TPM1: variants seen among roughly 807,000 people sequenced by gnomAD.
TPM1 encodes the protein tropomyosin 1.
TPM1 carries 24 observed loss-of-function variants against 42.9 expected under a neutral mutation model. The ratio of observed to expected loss-of-function variants is 0.56; its 90% CI spans 0.41 to 0.79. TPM1 has a LOEUF of 0.79. Ranked by LOEUF, TPM1 falls within the 30% of genes least tolerant of loss-of-function variation. The pLI, the probability that TPM1 is intolerant of heterozygous loss-of-function variation, is 0.00. For missense variants in TPM1, 158 were observed against 351.8 expected (o/e 0.45, Z 4.41); for synonymous variants, 136 against 130.1 (o/e 1.05, Z -0.31).
rs1237304694 is a variant in TPM1, at chr15:63,062,268, G to A, written c.693G>A (p.Lys231=). 6.2e-7 allele frequency: 1 copy of A among 1,614,128 alleles called. No homozygotes were observed. The highest frequency in any genetic ancestry group is 8.5e-7 in the Non-Finnish European group (1 of 1,179,980). ...AAGAGATCAAGGTCCTTTCCGACAA[G>A]CTGAAGGAGGTAATATGAGAGTTGT... ...YEEEIKVLSD[K]LKEAETRAEF... is the part of the protein sequence containing the mutation. Residue 231 remains lysine (K), a synonymous_variant, in exon 7 of 10, where the codon AAG becomes AAA. Coordinates refer to ENST00000403994, the MANE Select transcript of TPM1 (RefSeq NM_001018005.2).
chr15:63,059,482 C>A, intron 3 of TPM1, 81 bp from the exon 4 acceptor site: 1 of 1,141,836 alleles, frequency 8.8e-7, no homozygotes, highest in Non-Finnish European at 1.3e-6. Context: ...TACACTAAGC[C>A]TCACAAGCCA....
Position 63,048,918 on chromosome 15 carries a change from A to G in TPM1, c.240+4766A>G, listed in dbSNP as rs994559765. ...CCTTTGTTTTCCATCTCGCTGATCCAAAGTAAACGCTCCCAGGGGAAACGG... is the reference window on the plus strand; with the variant it reads ...CCTTTGTTTTCCATCTCGCTGATCCGAAGTAAACGCTCCCAGGGGAAACGG... On this transcript the variant is annotated intron_variant, in intron 2 of 9. Coordinates refer to ENST00000403994, the MANE Select transcript of TPM1 (RefSeq NM_001018005.2). The G allele has an allele frequency of 8.9e-6, 6 of 674,694 alleles. No individual in the cohort carries two copies. The East Asian group carries it at 1.8e-4, about 20-fold the overall frequency. 41.8% of individuals were successfully genotyped at this position (674,694 alleles called of 1,614,324 possible). A position where few individuals can be genotyped will look rare whatever the true frequency, so the allele number is the denominator to read the frequency against.
chr15:63,065,548 G>A lies in TPM1; in HGVS notation c.852-348G>A, dbSNP rs968235967. 10 of 985,002 alleles carry A rather than the reference G, an allele frequency of 1.0e-5. No homozygotes were observed. The African/African-American group carries it at 1.6e-4, about 15-fold the overall frequency. 61.0% of individuals were successfully genotyped at this position (985,002 alleles called of 1,614,324 possible). A position where few individuals can be genotyped will look rare whatever the true frequency, so the allele number is the denominator to read the frequency against. ...AATGAGGGGGTGGAGCAGATCATCT[G>A]TCTCTAAGGTCTTTTTCAGTGCTAA... On this transcript the variant is annotated intron_variant, in intron 9 of 9. Coordinates refer to ENST00000403994, the MANE Select transcript of TPM1 (RefSeq NM_001018005.2).
chr15:63,057,146 G>T (rs2034934482), intron 3 of TPM1, 28 bp downstream of exon 3: 2 of 1,613,360 alleles, frequency 1.2e-6, no homozygotes, highest in Admixed American at 1.7e-5. Context: ...GCCATCTTTT[G>T]CAGCTGCCTT....
intron 7 of TPM1, 96 bp downstream of exon 7, chr15:63,062,373 C>G: frequency 7.2e-7 from 1 of 1,385,290 alleles, no homozygotes; most frequent in South Asian, 1.2e-5. Context: ...TTCCAATGAT[C>G]CAAGTCAGGA....
At chr15:63,048,560 C>T (rs938822746) in intron 2 of TPM1, 4 of 1,521,630 alleles carry the variant, frequency 2.6e-6, no homozygotes, top group Non-Finnish European at 3.5e-6. Context: ...CTCCCGCCCG[C>T]CTACCGTCCG....
At chr15:63,052,783 C>A (rs565709257) in intron 2 of TPM1, among the ~76,000 whole-genome samples, 1 of 151,178 alleles carries the variant, frequency 6.6e-6, no homozygotes, top group South Asian at 2.1e-4. Flanking sequence ...AAAAAAAATA[C>A]CAGAAATAAA....
chr15:63,063,949 A>G (rs1416577649), intron 8 of TPM1, 115 bp from the exon 9 acceptor site: 2 of 1,473,276 alleles, frequency 1.4e-6, no homozygotes, highest in Admixed American at 2.0e-5. Flanking sequence ...CCCTTCATGC[A>G]TTGCCCTTTT....
chr15:63,048,729 C>T, intron 2 of TPM1: 11 of 1,531,066 alleles, frequency 7.2e-6, no homozygotes, highest in Non-Finnish European at 9.7e-6. Flanking sequence ...ACCCATCACC[C>T]CGCAGCCCCC....
chr15:63,046,705 T>C, intron 2 of TPM1: 1 of 152,640 alleles, frequency 6.6e-6, no homozygotes, highest in East Asian at 1.9e-4. Flanking sequence ...ATATATCTGA[T>C]ATTTATAGCA....
chr15:63,066,072 CAAAT>C lies in TPM1; in HGVS notation c.*177_*180del, dbSNP rs1381602182. 1.2e-5 allele frequency: 18 copies of C among 1,532,566 alleles called. No individual in the cohort carries two copies. The South Asian group carries it at 1.7e-4, about 15-fold the overall frequency. 94.9% of individuals were successfully genotyped at this position (1,532,566 alleles called of 1,614,324 possible). On this transcript the variant is annotated 3_prime_UTR_variant, in exon 10 of 10. Transcript: ENST00000403994. Reference sequence around the variant, plus strand: ...GTACAGAAGCTCTTCGTTTCAGTGTCAAATAAACACTGTGTAAGCTATTTCTGTT... The same window carrying C: ...GTACAGAAGCTCTTCGTTTCAGTGTCAAACACTGTGTAAGCTATTTCTGTT...
intron 2 of TPM1, chr15:63,047,033 A>G (rs2032528950): frequency 6.6e-6 from 1 of 152,326 alleles, no homozygotes; most frequent in African/African-American, 2.4e-5. Context: ...GCCAGTGTCC[A>G]GCAGTTTCCT....
intron 2 of TPM1, chr15:63,045,438 T>G (rs1286784817): frequency 6.6e-6 from 1 of 152,220 alleles, no homozygotes; most frequent in Admixed American, 6.5e-5. Context: ...AAACCATATA[T>G]GACTCTGAGC....
downstream of TPM1, chr15:63,070,326 G>GTGTGTGTGTATA (rs61140537): frequency 2.7e-5 from 18 of 668,762 alleles, no homozygotes; most frequent in Admixed American, 1.8e-4. Flanking sequence ...GTGTGTGTGT[G>GTGTGTGTGTATA]TATATATTCC....
At chr15:63,043,425 C>G in intron 1 of TPM1, 2 of 643,444 alleles carry the variant, frequency 3.1e-6, no homozygotes, top group Non-Finnish European at 5.7e-6. Flanking sequence ...GGCTACAGCC[C>G]GAAAGCCAGG....
At chr15:63,068,790 T>C (rs1171825927), downstream of TPM1, among the ~76,000 whole-genome samples, 1 of 152,196 alleles carries the variant, frequency 6.6e-6, no homozygotes, top group Non-Finnish European at 1.5e-5. Flanking sequence ...ATGTAGGTGT[T>C]GCAAGTTTCG....
Position 63,053,737 on chromosome 15 carries a change from A to G in TPM1, c.241-3248A>G, listed in dbSNP as rs554864148. ...TGCTCTGTCGCCCAGGCTGGAGTGC[A>G]GTGGCATGATCTCGGCTCACTGCAG... On this transcript the variant is annotated intron_variant, in intron 2 of 9. Transcript: ENST00000403994. Among the ~76,000 whole-genome samples the G allele has an allele frequency of 6.6e-5, 9 of 136,482 alleles. No homozygotes were observed. The South Asian group carries it at 1.9e-3, about 29-fold the overall frequency. The allele number at this position is 136,482 out of a possible 152,430, so 89.5% of individuals were successfully genotyped here.
chr15:63,048,478 C>G lies in TPM1; in HGVS notation c.240+4326C>G, dbSNP rs767366662. 5.0e-6 allele frequency: 7 copies of G among 1,404,606 alleles called. No homozygotes were observed. The South Asian group carries it at 9.3e-5, about 19-fold the overall frequency. 87.0% of individuals were successfully genotyped at this position (1,404,606 alleles called of 1,614,324 possible). A position where few individuals can be genotyped will look rare whatever the true frequency, so the allele number is the denominator to read the frequency against. ...ACAGAGAGGCCTGGGCGGGGCGGAC[C>G]GGCGCTGGGCAGCCAGGACAGCCGC... On this transcript the variant is annotated intron_variant, in intron 2 of 9. Coordinates refer to ENST00000403994, the MANE Select transcript of TPM1 (RefSeq NM_001018005.2).
intron 6 of TPM1, 80 bp downstream of exon 6, chr15:63,061,868 C>T (rs1024579406): frequency 8.0e-7 from 1 of 1,253,004 alleles, no homozygotes; most frequent in Non-Finnish European, 1.2e-6. Flanking sequence ...GCAACACTTA[C>T]AGTAGACATT....
Sources: gnomAD v4.1 joint callset for allele counts (sites outside exome capture counted in the v4.1 genomes callset) on GRCh38, gnomAD v4.1.1 for gene constraint, MANE v1.5 for transcripts, NCBI Gene and HGNC (gene_info 2026-07-23, HGNC 2026-07-21) for gene names.